ACCSL: variants seen among roughly 807,000 people sequenced by gnomAD.
ACCSL encodes 1-aminocyclopropane-1-carboxylate synthase homolog (inactive) like, also known as probable inactive 1-aminocyclopropane-1-carboxylate synthase-like protein 2.
A neutral mutation model predicts 61.7 loss-of-function variants in ACCSL; 55 were observed. That is an observed-to-expected ratio of 0.89 (90% confidence interval 0.72 to 1.12). ACCSL has a LOEUF of 1.12. Ranked by LOEUF, ACCSL falls within the 50% of genes most tolerant of loss-of-function variation. The probability of loss-of-function intolerance (pLI) is 0.00; values close to 1 mark genes in which losing one functional copy is unlikely to be tolerated. For synonymous variants in ACCSL, 258 were observed against 264.3 expected (o/e 0.98, Z 0.23); for missense variants, 632 against 698.0 (o/e 0.91, Z 1.07).
At chr11:44,056,420 T>A in intron 11 of ACCSL, 94 bp downstream of exon 11, 1 of 1,424,556 alleles carries the variant, frequency 7.0e-7, no homozygotes, top group Non-Finnish European at 9.4e-7. Flanking sequence ...GCCCTTAATA[T>A]ACTGAGACCC....
the ACCSL span, among the ~76,000 whole-genome samples, chr11:43,954,927 G>A: frequency 6.6e-6 from 1 of 152,160 alleles, no homozygotes; most frequent in African/African-American, 2.4e-5. Context: ...AAAGGAAAGA[G>A]GGAGCCTCCA....
At chr11:44,010,262 T>C in the ACCSL span, among the ~76,000 whole-genome samples, 96 of 151,836 alleles carry the variant, frequency 6.3e-4, no homozygotes, top group Non-Finnish European at 1.3e-4. Flanking sequence ...ATTGCTTGAA[T>C]CTGGGAGGCG....
At chr11:43,979,798 G>A in the ACCSL span, among the ~76,000 whole-genome samples, 1 of 142,970 alleles carries the variant, frequency 7.0e-6, no homozygotes, top group Non-Finnish European at 1.5e-5. Context: ...AGTGGGCTGA[G>A]ATTGCGCGAC....
chr11:43,960,019 G>A, the ACCSL span, among the ~76,000 whole-genome samples: 2 of 152,112 alleles, frequency 1.3e-5, no homozygotes, highest in African/African-American at 4.8e-5. Context: ...AGCTTTTTGG[G>A]ACCAGCTGGG....
chr11:43,971,284 C>CAAAAAA, the ACCSL span, among the ~76,000 whole-genome samples: 6 of 137,614 alleles, frequency 4.4e-5, no homozygotes, highest in Non-Finnish European at 7.8e-5. Flanking sequence ...GACTCTGTCT[C>CAAAAAA]AAAAAAAAAA....
intron 8 of ACCSL, among the ~76,000 whole-genome samples, chr11:44,054,022 T>A (rs1952655848): frequency 6.6e-6 from 1 of 152,226 alleles, no homozygotes; most frequent in South Asian, 2.1e-4. Flanking sequence ...GACATTTATA[T>A]AACAGTCAAA....
At chr11:43,944,933 G>A in the ACCSL span, 1 of 153,292 alleles carries the variant, frequency 6.5e-6, no homozygotes, top group Non-Finnish European at 1.5e-5. Context: ...TCTGTGCTCG[G>A]GCGCCCTCTG....
At chr11:44,029,627 C>T in the ACCSL span, among the ~76,000 whole-genome samples, 2 of 152,284 alleles carry the variant, frequency 1.3e-5, no homozygotes, top group East Asian at 3.9e-4. Context: ...TTCTGGACTT[C>T]AGCTGCCCCA....
the ACCSL span, among the ~76,000 whole-genome samples, chr11:43,956,568 T>C: frequency 4.6e-5 from 7 of 152,128 alleles, no homozygotes; most frequent in African/African-American, 1.7e-4. Context: ...TATAGGCACG[T>C]GCCACCACAC....
the ACCSL span, chr11:43,947,068 C>T: frequency 6.6e-6 from 1 of 152,264 alleles, no homozygotes; most frequent in Non-Finnish European, 1.5e-5. Flanking sequence ...GCAGGCTATA[C>T]AAGCATGGCA....
chr11:43,992,268 GTC>G, the ACCSL span, among the ~76,000 whole-genome samples: 1 of 151,730 alleles, frequency 6.6e-6, no homozygotes, highest in Admixed American at 6.6e-5. Context: ...GCCCAGGCTG[GTC>G]TCAAACTTCT....
At chr11:43,978,039 T>G in the ACCSL span, among the ~76,000 whole-genome samples, 7 of 128,824 alleles carry the variant, frequency 5.4e-5, no homozygotes, top group Non-Finnish European at 9.4e-5. Context: ...AGATGGAGCC[T>G]CGCTCTATTG....
At chr11:44,028,569 T>G in the ACCSL span, among the ~76,000 whole-genome samples, 47 of 152,350 alleles carry the variant, frequency 3.1e-4, no homozygotes, top group African/African-American at 1.1e-3. Flanking sequence ...TCCATGGGTC[T>G]GCCAGCATCC....
At chr11:43,923,164 C>T in the ACCSL span, among the ~76,000 whole-genome samples, 1 of 152,210 alleles carries the variant, frequency 6.6e-6, no homozygotes, top group Non-Finnish European at 1.5e-5. Flanking sequence ...CATTGCAATG[C>T]TGAAAGAGTT....
the ACCSL span, among the ~76,000 whole-genome samples, chr11:43,937,682 G>T: frequency 2.4e-3 from 356 of 146,950 alleles, 3 homozygotes; most frequent in Middle Eastern, 0.014. Flanking sequence ...CTCCAAAACT[G>T]CCACCTCCAC....
At chr11:44,029,367 C>T in the ACCSL span, among the ~76,000 whole-genome samples, 1 of 152,242 alleles carries the variant, frequency 6.6e-6, no homozygotes, top group African/African-American at 2.4e-5. Context: ...TCTGGATATT[C>T]TCATGGCTCA....
At chr11:43,956,091 GAA>G in the ACCSL span, among the ~76,000 whole-genome samples, 23,732 of 111,812 alleles carry the variant, frequency 0.21, 2,284 homozygotes, top group African/African-American at 0.29. Flanking sequence ...AAGATTTATA[GAA>G]AAAAAAAAAA....
At chr11:43,943,214 C>A in the ACCSL span, 1 of 1,528,728 alleles carries the variant, frequency 6.5e-7, no homozygotes, top group Admixed American at 2.1e-5. This position sits in a 1 kb window ranked among gnomAD's most constrained non-coding sequence, Gnocchi z 4.8. Context: ...GCGGGAGCAG[C>A]TCAGCAGCTG....
At chr11:43,961,586 ACACAGCC>A in the ACCSL span, among the ~76,000 whole-genome samples, 1 of 152,166 alleles carries the variant, frequency 6.6e-6, no homozygotes, top group Non-Finnish European at 1.5e-5. Flanking sequence ...GCTAATGGGG[ACACAGCC>A]CACAGAGGTG....
Sources: gnomAD v4.1 joint callset for allele counts (sites outside exome capture counted in the v4.1 genomes callset) on GRCh38, gnomAD v4.1.1 for gene constraint, Gnocchi (gnomAD v3.1) non-coding constraint, MANE v1.5 for transcripts, NCBI Gene and HGNC (gene_info 2026-07-23, HGNC 2026-07-21) for gene names.